COL5A2: variants seen among roughly 807,000 people sequenced by gnomAD.
The protein encoded by COL5A2 is collagen alpha-2(V) chain.
In COL5A2, 23 loss-of-function variants were observed where a neutral mutation model predicts 208.2. That is an observed-to-expected ratio of 0.11 (90% confidence interval 0.08 to 0.16). The LOEUF (loss-of-function observed/expected upper bound fraction) is 0.16, where lower values mean the gene tolerates loss of function less well. COL5A2 is among the 10% of genes least tolerant of loss of function. COL5A2 has a pLI of 1.00. For synonymous variants in COL5A2, 625 were observed against 628.5 expected (o/e 0.99, Z 0.08); for missense variants, 1,590 against 1,956.4 (o/e 0.81, Z 3.53).
chr2:189,271,374 C>T, the COL5A2 span, among the ~76,000 whole-genome samples: 1 of 152,100 alleles, frequency 6.6e-6, no homozygotes, highest in Non-Finnish European at 1.5e-5. Context: ...ACCATCTGAC[C>T]TTTGACAAAC....
Position 189,080,158 on chromosome 2 carries a change from A to AAAATACTT in COL5A2, c.907-135_907-128dup, listed in dbSNP as rs1686499791. Reference sequence around the variant, plus strand: ...AATATCAAATTTAAAGTTGTTGCTCAAAATACTTTCAAATTCTCAAACTTT... The same window carrying AAAATACTT: ...AATATCAAATTTAAAGTTGTTGCTCAAAATACTTAAATACTTTCAAATTCTCAAACTTT... On this transcript the variant is annotated intron_variant, in intron 13 of 53. Transcript: ENST00000374866. 58 of 723,114 alleles carry AAAATACTT rather than the reference A, an allele frequency of 8.0e-5. No homozygotes were observed. In the East Asian group the frequency reaches 1.5e-3, roughly 19 times the overall value. The allele number at this position is 723,114 out of a possible 1,614,324, so 44.8% of individuals were successfully genotyped here.
the COL5A2 span, among the ~76,000 whole-genome samples, chr2:189,372,829 T>C: frequency 6.6e-6 from 1 of 152,182 alleles, no homozygotes; most frequent in Non-Finnish European, 1.5e-5. Flanking sequence ...AAAAATACAT[T>C]TTGAAGGACA....
At chr2:189,172,800 A>G (rs1318950557) in intron 1 of COL5A2, among the ~76,000 whole-genome samples, 1 of 152,068 alleles carries the variant, frequency 6.6e-6, no homozygotes, top group Admixed American at 6.6e-5. Context: ...AATAAAAGGT[A>G]AAAAGGGGTA....
chr2:189,307,003 T>C, the COL5A2 span, among the ~76,000 whole-genome samples: 14 of 152,226 alleles, frequency 9.2e-5, no homozygotes, highest in Non-Finnish European at 1.6e-4. Context: ...AAATTTCTAA[T>C]ATGCCTATTT....
the COL5A2 span, among the ~76,000 whole-genome samples, chr2:189,415,671 T>C: frequency 8.7e-5 from 13 of 149,476 alleles, no homozygotes; most frequent in Middle Eastern, 3.4e-3. Context: ...TACATTTTTC[T>C]TTTTTTTGGA....
At chr2:189,166,992 C>T (rs1688476850) in intron 1 of COL5A2, among the ~76,000 whole-genome samples, 1 of 152,172 alleles carries the variant, frequency 6.6e-6, no homozygotes, top group Non-Finnish European at 1.5e-5. Flanking sequence ...GGGAAAAAGA[C>T]ATCCAGATGG....
chr2:189,266,934 C>A, the COL5A2 span, among the ~76,000 whole-genome samples: 1 of 151,408 alleles, frequency 6.6e-6, no homozygotes, highest in South Asian at 2.1e-4. Context: ...AACATAAAAT[C>A]TCTAAAAATA....
the COL5A2 span, among the ~76,000 whole-genome samples, chr2:189,429,866 A>T: frequency 6.6e-6 from 1 of 152,202 alleles, no homozygotes; most frequent in East Asian, 1.9e-4. Flanking sequence ...GGATAATATT[A>T]CTGTAGGCAA....
the COL5A2 span, among the ~76,000 whole-genome samples, chr2:189,250,295 C>G: frequency 1.3e-5 from 2 of 152,272 alleles, no homozygotes; most frequent in African/African-American, 2.4e-5. Context: ...CCCCATTTTA[C>G]AGATGAGGGC....
the COL5A2 span, among the ~76,000 whole-genome samples, chr2:189,440,667 T>C: frequency 6.6e-6 from 1 of 152,156 alleles, no homozygotes; most frequent in Non-Finnish European, 1.5e-5. Context: ...AAGAATATGA[T>C]ACGTGTAAGT....
chr2:189,306,073 G>A, the COL5A2 span, among the ~76,000 whole-genome samples: 1 of 152,172 alleles, frequency 6.6e-6, no homozygotes, highest in Non-Finnish European at 1.5e-5. Flanking sequence ...CTCTGAGAAT[G>A]GGGTGCCATC....
the COL5A2 span, among the ~76,000 whole-genome samples, chr2:189,358,152 C>T: frequency 2.0e-5 from 3 of 152,026 alleles, no homozygotes; most frequent in South Asian, 6.2e-4. Flanking sequence ...GAGCTGCAGA[C>T]TGGAGCTGTT....
chr2:189,086,948 G>A (rs1202627938), intron 8 of COL5A2, among the ~76,000 whole-genome samples, 178 bp from the exon 9 acceptor site: 1 of 152,150 alleles, frequency 6.6e-6, no homozygotes, highest in Non-Finnish European at 1.5e-5. Flanking sequence ...TTAAAGCTTG[G>A]ACAACATTTG....
chr2:189,359,828 G>A, the COL5A2 span, among the ~76,000 whole-genome samples: 7 of 151,954 alleles, frequency 4.6e-5, no homozygotes, highest in African/African-American at 1.7e-4. Flanking sequence ...TTATCTATTT[G>A]TTAGTAGGTT....
chr2:189,436,095 C>T, the COL5A2 span, among the ~76,000 whole-genome samples: 2 of 152,126 alleles, frequency 1.3e-5, no homozygotes, highest in Non-Finnish European at 2.9e-5. Context: ...CCAAACACCG[C>T]ATGTTCTCAC....
At chr2:189,195,444 A>G (rs1234943352) in intron 1 of COL5A2, among the ~76,000 whole-genome samples, 7 of 152,210 alleles carry the variant, frequency 4.6e-5, no homozygotes, top group Admixed American at 2.0e-4. Context: ...GACATTCTTC[A>G]CAGAATTAGA....
At chr2:189,076,086 C>G (rs1686399242) in intron 16 of COL5A2, among the ~76,000 whole-genome samples, 1 of 152,182 alleles carries the variant, frequency 6.6e-6, no homozygotes, top group Non-Finnish European at 1.5e-5. Context: ...TGACTGAGAT[C>G]TCTGTTGCAA....
intron 15 of COL5A2, 144 bp downstream of exon 15, chr2:189,078,919 T>C: frequency 1.4e-6 from 1 of 721,378 alleles, no homozygotes; most frequent in Non-Finnish European, 2.4e-6. Flanking sequence ...TGCTTGTCTA[T>C]CAGCTGGTAA....
chr2:189,241,778 T>C, the COL5A2 span, among the ~76,000 whole-genome samples: 1 of 152,222 alleles, frequency 6.6e-6, no homozygotes, highest in East Asian at 1.9e-4. Flanking sequence ...ATAAAGTAGT[T>C]GGGTCCAAAG....
Sources: gnomAD v4.1 joint callset for allele counts (sites outside exome capture counted in the v4.1 genomes callset) on GRCh38, gnomAD v4.1.1 for gene constraint, MANE v1.5 for transcripts, NCBI Gene and HGNC (gene_info 2026-07-23, HGNC 2026-07-21) for gene names.